SCML4: variants seen among roughly 807,000 people sequenced by gnomAD.
The protein encoded by SCML4 is sex comb on midleg-like protein 4.
A neutral mutation model predicts 41.1 loss-of-function variants in SCML4; 34 were observed. The observed-to-expected ratio is 0.83, with a 90% CI of 0.63 to 1.10. The LOEUF (loss-of-function observed/expected upper bound fraction) is 1.10. Ranked by LOEUF, SCML4 falls within the 50% of genes least tolerant of loss-of-function variation. The pLI, the probability that SCML4 is intolerant of heterozygous loss-of-function variation, is 0.00. For synonymous variants in SCML4, 214 were observed against 220.9 expected (o/e 0.97, Z 0.28); for missense variants, 522 against 534.1 (o/e 0.98, Z 0.22).
chr6:107,746,857 C>A lies in SCML4; in HGVS notation c.319G>T (p.Gly107Trp). Residue 107 changes from glycine (G) to tryptophan (W), a missense_variant, in exon 4 of 8, where the codon GGG becomes TGG. Coordinates refer to ENST00000369020, the MANE Select transcript of SCML4 (RefSeq NM_198081.5). ...ACCTTCTTCCTCTCCAGATAGGGCCCCGCATTGGCCTGCTTGTTGATGTAG... is the reference window on the plus strand; with the variant it reads ...ACCTTCTTCCTCTCCAGATAGGGCCACGCATTGGCCTGCTTGTTGATGTAG... ...CLYINKQANA[G>W]PYLERKKVQQ... 1 of 1,613,746 alleles carries A rather than the reference C, an allele frequency of 6.2e-7. No homozygotes were observed. The highest frequency in any genetic ancestry group is 1.3e-5 in the African/African-American group (1 of 75,068).
chr6:107,842,431 T>G, the SCML4 span, among the ~76,000 whole-genome samples: 1 of 152,212 alleles, frequency 6.6e-6, no homozygotes, highest in Admixed American at 6.5e-5. Flanking sequence ...TAGGTCAAGT[T>G]GGTTGATGTT....
intron 1 of SCML4, among the ~76,000 whole-genome samples, chr6:107,812,885 A>ACACC (rs1232793215): frequency 6.7e-6 from 1 of 149,048 alleles, no homozygotes; most frequent in Non-Finnish European, 1.5e-5. Context: ...ACACATACAC[A>ACACC]CACACACACA....
At chr6:107,817,620 C>CAAAAAAAAAAAAAAAA (rs35621962) in intron 1 of SCML4, among the ~76,000 whole-genome samples, 1 of 45,996 alleles carries the variant, frequency 2.2e-5, no homozygotes. Flanking sequence ...GACTTCATCT[C>CAAAAAAAAAAAAAAAA]AAAAAAAAAA....
chr6:107,780,800 A>T (rs938971), intron 1 of SCML4, among the ~76,000 whole-genome samples: 1 of 151,756 alleles, frequency 6.6e-6, no homozygotes, highest in African/African-American at 2.4e-5. Flanking sequence ...AAGAGTCGGC[A>T]TTAGCTTGTA....
At chr6:107,723,581 AACT>A (rs1214700429) in intron 5 of SCML4, among the ~76,000 whole-genome samples, 1 of 152,204 alleles carries the variant, frequency 6.6e-6, no homozygotes, top group African/African-American at 2.4e-5. Context: ...AAAATGAACA[AACT>A]ACTAAAACTG....
At chr6:107,835,498 G>A in the SCML4 span, among the ~76,000 whole-genome samples, 1 of 152,072 alleles carries the variant, frequency 6.6e-6, no homozygotes, top group Non-Finnish European at 1.5e-5. Context: ...CCAGCACTTC[G>A]GGAGGCCAAA....
intron 6 of SCML4, 51 bp from the exon 7 acceptor site, chr6:107,708,062 C>T: frequency 6.5e-7 from 1 of 1,535,790 alleles, no homozygotes. Flanking sequence ...CAGGGCCTTG[C>T]ACCTACCTGG....
intron 2 of SCML4, among the ~76,000 whole-genome samples, chr6:107,771,275 T>C (rs550373493): frequency 9.2e-5 from 14 of 152,226 alleles, no homozygotes; most frequent in Non-Finnish European, 5.9e-5. Flanking sequence ...TTCCTAAATA[T>C]ATGGGAGTTA....
intron 1 of SCML4, among the ~76,000 whole-genome samples, chr6:107,817,623 A>AAAAAAAAT: frequency 1.0e-5 from 1 of 97,438 alleles, no homozygotes; most frequent in African/African-American, 5.3e-5. Flanking sequence ...TTCATCTCAA[A>AAAAAAAAT]AAAAAAAAAA....
At chr6:107,835,763 CAAAAAAAAAAA>C in the SCML4 span, among the ~76,000 whole-genome samples, 16 of 86,376 alleles carry the variant, frequency 1.9e-4, no homozygotes, top group East Asian at 3.4e-4. Context: ...GACCCCATCT[CAAAAAAAAAAA>C]AAAAAAAAAG....
chr6:107,801,943 T>C (rs1398639163), intron 1 of SCML4, among the ~76,000 whole-genome samples: 3 of 151,966 alleles, frequency 2.0e-5, no homozygotes, highest in Non-Finnish European at 4.4e-5. Context: ...TTTTTTTTTT[T>C]TGTATTTTTA....
intron 1 of SCML4, among the ~76,000 whole-genome samples, chr6:107,795,134 T>C (rs1217114212): frequency 6.6e-6 from 1 of 152,230 alleles, no homozygotes; most frequent in Non-Finnish European, 1.5e-5. Flanking sequence ...GTACAAATAG[T>C]ATACATCAAC....
chr6:107,738,238 G>A lies in SCML4; in HGVS notation c.682+6711C>T, dbSNP rs370253588. 5.9e-5 allele frequency among the ~76,000 whole-genome samples: 9 copies of A among 152,178 alleles called. No individual in the cohort carries two copies. In the East Asian group the frequency reaches 1.5e-3, roughly 26 times the overall value. On this transcript the variant is annotated intron_variant, in intron 5 of 7. Coordinates refer to ENST00000369020, the MANE Select transcript of SCML4 (RefSeq NM_198081.5). ...AACCACCTTCAGATGTCAGCTAATA[G>A]AATTGGAGGGAAATAACTAAGTTCC...
the SCML4 span, among the ~76,000 whole-genome samples, chr6:107,839,393 G>GAAAGAAAGAAAGAAAGAAAGAAAC: frequency 2.5e-4 from 34 of 134,496 alleles, no homozygotes; most frequent in African/African-American, 9.2e-4. Context: ...AAGAAAGAAA[G>GAAAGAAAGAAAGAAAGAAAGAAAC]AAAGAAAGAA....
At chr6:107,842,897 A>G in the SCML4 span, among the ~76,000 whole-genome samples, 1 of 152,246 alleles carries the variant, frequency 6.6e-6, no homozygotes, top group East Asian at 1.9e-4. Flanking sequence ...ATGTAACATT[A>G]CTATTCCTGA....
At chr6:107,804,889 G>C (rs761263669) in intron 1 of SCML4, among the ~76,000 whole-genome samples, 1 of 152,182 alleles carries the variant, frequency 6.6e-6, no homozygotes, top group East Asian at 1.9e-4. Flanking sequence ...AGGATCTCTC[G>C]AGGCCTGGAG....
the SCML4 span, among the ~76,000 whole-genome samples, chr6:107,843,199 A>G: frequency 1.3e-5 from 2 of 152,188 alleles, no homozygotes; most frequent in African/African-American, 4.8e-5. Flanking sequence ...AGAAACATCA[A>G]GCGAAACACA....
intron 6 of SCML4, among the ~76,000 whole-genome samples, chr6:107,708,716 G>A (rs992601659): frequency 3.3e-5 from 5 of 152,180 alleles, no homozygotes; most frequent in African/African-American, 4.8e-5. Context: ...CTCCCTGACC[G>A]CAAAGGGCCT....
At position 107,702,439 on chromosome 6, in the gene SCML4, A is replaced by C. The variant is rs1773259156; in HGVS notation, c.*2761T>G. Among the ~76,000 whole-genome samples the C allele has an allele frequency of 6.6e-6, 1 of 152,182 alleles. No individual in the cohort carries two copies. Among genetic ancestry groups the C allele is most frequent in the African/African-American group, 2.4e-5 (1 of 41,438 alleles). ...TTTGTGACTCTGTAGTGAAGGAGGC[A>C]CTGATGAGGGTGGGTAGGAAGTTTT... On this transcript the variant is annotated 3_prime_UTR_variant, in exon 8 of 8. Transcript: ENST00000369020.
Sources: gnomAD v4.1 joint callset for allele counts (sites outside exome capture counted in the v4.1 genomes callset) on GRCh38, gnomAD v4.1.1 for gene constraint, MANE v1.5 for transcripts, NCBI Gene and HGNC (gene_info 2026-07-23, HGNC 2026-07-21) for gene names.